The following OSBP2 variants were observed in gnomAD, a reference collection of about 807,000 sequenced individuals.
OSBP2 encodes the protein oxysterol binding protein 2.
A neutral mutation model predicts 96.0 loss-of-function variants in OSBP2; 66 were observed. The ratio of observed to expected loss-of-function variants is 0.69; its 90% confidence interval spans 0.56 to 0.84. The LOEUF (loss-of-function observed/expected upper bound fraction) is 0.84, where lower values mean the gene tolerates loss of function less well. Ranked by LOEUF, OSBP2 falls within the 40% of genes least tolerant of loss-of-function variation. OSBP2 has a pLI of 0.00. For missense variants in OSBP2, 1,038 were observed against 1,222.7 expected (o/e 0.85, Z 2.25); for synonymous variants, 525 against 520.9 (o/e 1.01, Z -0.11).
At chr22:30,902,523 T>C (rs765802165) in intron 12 of OSBP2, 64 of 1,472,188 alleles carry the variant, frequency 4.3e-5, no homozygotes, top group Non-Finnish European at 5.9e-5. Context: ...GGATGACTTC[T>C]TAGGAGGCAG....
chr22:30,716,122 A>G (rs1602162182), intron 1 of OSBP2, among the ~76,000 whole-genome samples: 2 of 149,190 alleles, frequency 1.3e-5, no homozygotes, highest in African/African-American at 2.5e-5. Flanking sequence ...GCTCACTGCA[A>G]CCTCCACCTC....
At chr22:30,809,627 G>C (rs1393414812) in intron 2 of OSBP2, among the ~76,000 whole-genome samples, 4 of 152,176 alleles carry the variant, frequency 2.6e-5, no homozygotes, top group Non-Finnish European at 5.9e-5. Context: ...AGTAGGCTGT[G>C]GTTTGCAAAG....
intron 2 of OSBP2, among the ~76,000 whole-genome samples, chr22:30,838,570 T>C (rs1416171988): frequency 6.6e-6 from 1 of 152,170 alleles, no homozygotes; most frequent in Admixed American, 6.5e-5. Flanking sequence ...ACATTCAGTC[T>C]TTCACCATTA....
intron 1 of OSBP2, among the ~76,000 whole-genome samples, chr22:30,712,520 A>G (rs2089369196): frequency 6.6e-6 from 1 of 152,162 alleles, no homozygotes; most frequent in African/African-American, 2.4e-5. Context: ...CCTTTTGCAC[A>G]TTGTATGAAA....
At chr22:30,712,618 C>T (rs1487154338) in intron 1 of OSBP2, among the ~76,000 whole-genome samples, 9 of 151,668 alleles carry the variant, frequency 5.9e-5, no homozygotes, top group Non-Finnish European at 1.3e-4. Context: ...TTCCAGTCTT[C>T]GTGACCTGGG....
intron 2 of OSBP2, among the ~76,000 whole-genome samples, chr22:30,757,976 C>G (rs2145767393): frequency 6.6e-6 from 1 of 152,326 alleles, no homozygotes; most frequent in Admixed American, 6.5e-5. Context: ...CTCCATCTGC[C>G]TGGCCTCCAA....
At chr22:30,791,573 C>T (rs376029139) in intron 2 of OSBP2, among the ~76,000 whole-genome samples, 4 of 151,958 alleles carry the variant, frequency 2.6e-5, no homozygotes, top group Non-Finnish European at 5.9e-5. Flanking sequence ...GTGATCCGCC[C>T]GCCTCGGCCT....
At chr22:30,712,723 C>T (rs1177297648) in intron 1 of OSBP2, among the ~76,000 whole-genome samples, 1 of 152,152 alleles carries the variant, frequency 6.6e-6, no homozygotes, top group Non-Finnish European at 1.5e-5. Context: ...CAGCAACTTG[C>T]ATCACTGTTC....
intron 1 of OSBP2, among the ~76,000 whole-genome samples, chr22:30,721,448 A>C (rs8138072): frequency 0.049 from 7,435 of 152,114 alleles, 615 homozygotes; most frequent in African/African-American, 0.17. Context: ...TGCTGCGCTG[A>C]CTGAATGAAG....
At chr22:30,734,748 A>G (rs1308032973) in intron 1 of OSBP2, among the ~76,000 whole-genome samples, 1 of 152,240 alleles carries the variant, frequency 6.6e-6, no homozygotes, top group Non-Finnish European at 1.5e-5. Context: ...AACATAAAAT[A>G]TCTAAATGAA....
At chr22:30,895,963 G>C (rs935381066) in intron 12 of OSBP2, among the ~76,000 whole-genome samples, 2 of 151,670 alleles carry the variant, frequency 1.3e-5, no homozygotes, top group Non-Finnish European at 1.5e-5. Flanking sequence ...CTTTAAAGGG[G>C]AGGATGGGGG....
chr22:30,793,664 A>G (rs1028183536), intron 2 of OSBP2, among the ~76,000 whole-genome samples: 3 of 152,058 alleles, frequency 2.0e-5, no homozygotes, highest in African/African-American at 4.8e-5. Context: ...GTATGCTCCT[A>G]TAGTCCCAGA....
intron 1 of OSBP2, among the ~76,000 whole-genome samples, chr22:30,724,379 G>A (rs1569097403): frequency 1.3e-5 from 2 of 151,960 alleles, no homozygotes; most frequent in African/African-American, 2.4e-5. Flanking sequence ...CACCACACCC[G>A]GCTAGTTTAT....
chr22:30,815,860 C>A (rs1445614307), intron 2 of OSBP2, among the ~76,000 whole-genome samples: 1 of 152,124 alleles, frequency 6.6e-6, no homozygotes, highest in African/African-American at 2.4e-5. Flanking sequence ...AGCTGTCGAG[C>A]ATTTGAGTTT....
At chr22:30,892,964 G>GCCTTGGGTC (rs1346636456) in intron 8 of OSBP2, among the ~76,000 whole-genome samples, 158 bp from the exon 9 acceptor site, 2 of 152,186 alleles carry the variant, frequency 1.3e-5, no homozygotes, top group Non-Finnish European at 2.9e-5. Flanking sequence ...CTGGGGGCCT[G>GCCTTGGGTC]CCTTGGGTCC....
At chr22:30,770,593 T>C (rs1328577385) in intron 2 of OSBP2, 1 of 152,264 alleles carries the variant, frequency 6.6e-6, no homozygotes, top group African/African-American at 2.4e-5. Context: ...GGTCAACTGG[T>C]GGCAGGGAAC....
chr22:30,750,512 T>G (rs2090062234), intron 2 of OSBP2, among the ~76,000 whole-genome samples: 2 of 152,136 alleles, frequency 1.3e-5, no homozygotes, highest in South Asian at 4.1e-4. Flanking sequence ...CACTCTAAAA[T>G]TTAACCTGAA....
Position 30,870,912 on chromosome 22 carries a change from T to G in OSBP2, c.1107+230T>G, listed in dbSNP as rs2039445298. Among the ~76,000 whole-genome samples, 1 of 152,226 alleles carries G rather than the reference T, an allele frequency of 6.6e-6. No individual in the cohort carries two copies. Among genetic ancestry groups the G allele is most frequent in the Non-Finnish European group, 1.5e-5 (1 of 68,042 alleles). On this transcript the variant is annotated intron_variant, in intron 3 of 13. Transcript: ENST00000332585. The surrounding 1 kb of genome is among the most constrained non-coding windows in gnomAD (Gnocchi z 4.1). Reference sequence around the variant, plus strand: ...TCCTAATTGTCTGGAGGAAACGAGTTGGTTGTGGACTCTGGTGCAGTCTGC... The same window carrying G: ...TCCTAATTGTCTGGAGGAAACGAGTGGGTTGTGGACTCTGGTGCAGTCTGC...
chr22:30,900,596 T>C (rs2040173596), intron 12 of OSBP2, among the ~76,000 whole-genome samples: 1 of 151,964 alleles, frequency 6.6e-6, no homozygotes, highest in African/African-American at 2.4e-5. Flanking sequence ...GAAACTCTAA[T>C]GGAACAGATT....
Sources: allele counts gnomAD v4.1 joint callset (sites outside exome capture counted in the v4.1 genomes callset), GRCh38; gene constraint gnomAD v4.1.1; non-coding constraint Gnocchi (gnomAD v3.1); transcripts MANE v1.5; gene names NCBI Gene and HGNC (gene_info 2026-07-23, HGNC 2026-07-21).